Variants in TMEM168 observed in about 807,000 individuals in gnomAD.
TMEM168 encodes the protein transmembrane protein 168.
A neutral mutation model predicts 53.2 loss-of-function variants in TMEM168; 40 were observed. That is an observed-to-expected ratio of 0.75 (90% CI 0.58 to 0.98). The LOEUF (loss-of-function observed/expected upper bound fraction) is 0.98, where lower values mean the gene tolerates loss of function less well. Ranked by LOEUF, TMEM168 falls within the 50% of genes least tolerant of loss-of-function variation. TMEM168 has a pLI of 0.00. For synonymous variants in TMEM168, 282 were observed against 293.0 expected (o/e 0.96, Z 0.38); for missense variants, 771 against 828.8 (o/e 0.93, Z 0.86).
intron 4 of TMEM168, among the ~76,000 whole-genome samples, chr7:112,768,465 T>G (rs940564168): frequency 2.0e-5 from 3 of 152,166 alleles, no homozygotes; most frequent in African/African-American, 7.2e-5. Context: ...ACCCTGTTCC[T>G]ACCTGTACAA....
At position 112,767,125 on chromosome 7, in the gene TMEM168, C is replaced by T. The variant is rs1457417951; in HGVS notation, c.*72G>A. The T allele has an allele frequency of 1.4e-6, 2 of 1,424,212 alleles. No homozygotes were observed. Among genetic ancestry groups the T allele is most frequent in the East Asian group, 2.3e-5 (1 of 43,404 alleles). The allele number at this position is 1,424,212 out of a possible 1,614,324, so 88.2% of individuals were successfully genotyped here. A position where few individuals can be genotyped will look rare whatever the true frequency, so the allele number is the denominator to read the frequency against. On this transcript the variant is annotated 3_prime_UTR_variant, in exon 5 of 5. Coordinates refer to ENST00000312814, the MANE Select transcript of TMEM168 (RefSeq NM_022484.6). Reference sequence around the variant, plus strand: ...GTATTTTCCACAAATAAAAATACAGCATACAAAAAATGGCAAGTTAGTGAT... The same window carrying T: ...GTATTTTCCACAAATAAAAATACAGTATACAAAAAATGGCAAGTTAGTGAT...
intron 2 of TMEM168, among the ~76,000 whole-genome samples, chr7:112,776,340 A>C (rs1327475230): frequency 2.0e-5 from 3 of 151,738 alleles, no homozygotes; most frequent in African/African-American, 7.3e-5. Context: ...GCAATGAAAA[A>C]GCAGAAAAAA....
At chr7:112,780,955 A>C (rs913884937) in intron 2 of TMEM168, among the ~76,000 whole-genome samples, 28 of 151,728 alleles carry the variant, frequency 1.8e-4, no homozygotes, top group African/African-American at 5.1e-4. Context: ...AAAAAAAAAA[A>C]AAAAAAAAAA....
chr7:112,769,117 A>G (rs182516077), intron 4 of TMEM168, among the ~76,000 whole-genome samples: 266 of 152,338 alleles, frequency 1.7e-3, no homozygotes, highest in Middle Eastern at 3.4e-3. Context: ...TTCACCATTA[A>G]AAATGGACAC....
At chr7:112,777,666 G>A (rs539582540) in intron 2 of TMEM168, among the ~76,000 whole-genome samples, 62 of 151,992 alleles carry the variant, frequency 4.1e-4, no homozygotes, top group Non-Finnish European at 7.4e-4. Context: ...CTAATGTTAT[G>A]TTTGCAACAC....
Position 112,784,462 on chromosome 7 carries a change from ATTC to A in TMEM168, c.361_363del (p.Glu121del). 1 of 1,614,080 alleles carries A rather than the reference ATTC, an allele frequency of 6.2e-7. No homozygotes were observed. The highest frequency in any genetic ancestry group is 1.1e-5 in the South Asian group (1 of 91,050). On this transcript the variant is annotated inframe_deletion, in exon 2 of 5. Transcript: ENST00000312814. ...GATGTTAGAAGCAAATATTTGGTTGATTCTTCTTTTACATCATTTTTAAAGGAT... is the reference window on the plus strand; with the variant it reads ...GATGTTAGAAGCAAATATTTGGTTGATTCTTTTACATCATTTTTAAAGGAT...
intron 2 of TMEM168, among the ~76,000 whole-genome samples, chr7:112,780,888 A>C (rs1229663431): frequency 6.8e-6 from 1 of 147,580 alleles, no homozygotes; most frequent in Non-Finnish European, 1.5e-5. Flanking sequence ...CAGTGATTTA[A>C]CTGCTCTACA....
chr7:112,785,951 C>A (rs1271977928), intron 1 of TMEM168, among the ~76,000 whole-genome samples: 2 of 152,132 alleles, frequency 1.3e-5, no homozygotes, highest in Admixed American at 1.3e-4. Context: ...CTCTCTCCTG[C>A]AATCCCAGAA....
Position 112,784,088 on chromosome 7 carries a change from A to C in TMEM168, c.738T>G (p.Leu246=). Residue 246 remains leucine, a synonymous_variant, in exon 2 of 5, where the codon CTT becomes CTG. Transcript: ENST00000312814. ...DPFLDIYFSG[L]SVTERWKPFL... Reference sequence around the variant, plus strand: ...AGGGTTTCCATCTTTCAGTTACTGAAAGTCCACTAAAATAAATGTCAAGGA... The same window carrying C: ...AGGGTTTCCATCTTTCAGTTACTGACAGTCCACTAAAATAAATGTCAAGGA... The C allele has an allele frequency of 6.2e-7, 1 of 1,613,110 alleles. No homozygotes were observed. Among genetic ancestry groups the C allele is most frequent in the Non-Finnish European group, 8.5e-7 (1 of 1,179,828 alleles).
chr7:112,778,511 T>G (rs976470585), intron 2 of TMEM168: 2 of 152,236 alleles, frequency 1.3e-5, no homozygotes, highest in African/African-American at 4.8e-5. Flanking sequence ...TCCAATTTTC[T>G]GATTGATTTC....
intron 2 of TMEM168, among the ~76,000 whole-genome samples, chr7:112,782,630 C>T (rs183382936): frequency 5.9e-5 from 9 of 152,306 alleles, no homozygotes; most frequent in African/African-American, 1.9e-4. Context: ...ACACAGGATC[C>T]CTGCCCTAGC....
In TMEM168 at chr7:112,784,387, C is replaced by G; in HGVS notation, c.439G>C (p.Val147Leu). ...GTTAGTAAAGTGGGCCGATGACGGACATAACCAGAAATTCTCTCCACCAGA... is the reference window on the plus strand; with the variant it reads ...GTTAGTAAAGTGGGCCGATGACGGAGATAACCAGAAATTCTCTCCACCAGA... ...CSLVERISGY[V>L]RHRPTLLTTV... is the part of the protein sequence containing the mutation. Residue 147 changes from valine to leucine, a missense_variant, in exon 2 of 5, where the codon GTC (valine) becomes CTC (leucine). Coordinates refer to ENST00000312814, the MANE Select transcript of TMEM168 (RefSeq NM_022484.6). 6.2e-7 allele frequency: 1 copy of G among 1,614,160 alleles called. No individual in the cohort carries two copies. The highest frequency in any genetic ancestry group is 8.5e-7 in the Non-Finnish European group (1 of 1,180,016).
chr7:112,770,311 TATAAG>T (rs1792895854), intron 4 of TMEM168, among the ~76,000 whole-genome samples: 1 of 152,158 alleles, frequency 6.6e-6, no homozygotes, highest in Non-Finnish European at 1.5e-5. Context: ...GTTGCTGAAT[TATAAG>T]ATAAAATCTA....
At position 112,763,628 on chromosome 7, in the gene TMEM168, CATTAT is replaced by C. The variant is rs1792706767; in HGVS notation, c.*3564_*3568del. 1 of 152,026 alleles carries C rather than the reference CATTAT, an allele frequency of 6.6e-6. No homozygotes were observed. Among genetic ancestry groups the C allele is most frequent in the South Asian group, 2.1e-4 (1 of 4,820 alleles). The allele number at this position is 152,026 out of a possible 1,614,324, so 9.4% of individuals were successfully genotyped here. A position where few individuals can be genotyped will look rare whatever the true frequency, so the allele number is the denominator to read the frequency against. On this transcript the variant is annotated 3_prime_UTR_variant, in exon 5 of 5. Coordinates refer to ENST00000312814, the MANE Select transcript of TMEM168 (RefSeq NM_022484.6). The stretch of plus-strand genomic sequence containing the variant: ...AATTAAATCATTTTCTTCTGGCATA[CATTAT>C]ATTAACTATCATCACTTGTGGGAAA...
Position 112,767,485 on chromosome 7 carries a change from G to T in TMEM168, c.1806C>A (p.Asn602Lys). 6.2e-7 allele frequency: 1 copy of T among 1,614,164 alleles called. No homozygotes were observed. Among genetic ancestry groups the T allele is most frequent in the South Asian group, 1.1e-5 (1 of 91,084 alleles). Reference sequence around the variant, plus strand: ...TGCGTCCCTTTTCAGTCCAGCAGATGTTATTACTGGAGTTGCAGTTATATT... The same window carrying T: ...TGCGTCCCTTTTCAGTCCAGCAGATTTTATTACTGGAGTTGCAGTTATATT... ...WVEYNCNSSN[N>K]ICWTEKGRTV... Residue 602 changes from asparagine (N) to lysine (K), a missense_variant, in exon 5 of 5, where the codon AAC becomes AAA. Physicochemically the swap from Asn to Lys is moderately conservative, Grantham distance 94. Transcript: ENST00000312814.
chr7:112,777,856 T>C (rs6945755), intron 2 of TMEM168, among the ~76,000 whole-genome samples: 2,753 of 151,588 alleles, frequency 0.018, 35 homozygotes, highest in Non-Finnish European at 0.024. Flanking sequence ...TTCTGTTGTC[T>C]GTTGGTTTTG....
In TMEM168 at chr7:112,768,274, A is replaced by T. The variant is rs542820919; in HGVS notation, c.1547-530T>A. On this transcript the variant is annotated intron_variant, in intron 4 of 4. Transcript: ENST00000312814. ...AGTTTATTGGAACACAACTACATTC[A>T]TTCATTTATACCGTCTATGGCTGCT... is the stretch of plus-strand genomic sequence containing the variant. Among the ~76,000 whole-genome samples the T allele has an allele frequency of 2.0e-5, 3 of 152,366 alleles. No homozygotes were observed. The South Asian group carries it at 6.2e-4, about 32-fold the overall frequency.
chr7:112,768,401 G>A (rs1424507928), intron 4 of TMEM168, among the ~76,000 whole-genome samples: 2 of 152,030 alleles, frequency 1.3e-5, no homozygotes, highest in African/African-American at 2.4e-5. Flanking sequence ...TCCCCATTCT[G>A]TATCATTGTT....
In TMEM168 at chr7:112,772,871, C is replaced by T. The variant is rs745740456; in HGVS notation, c.1456G>A (p.Glu486Lys). Residue 486 changes from glutamate to lysine, a missense_variant, in exon 4 of 5, where the codon GAA (glutamate) becomes AAA (lysine). By Grantham distance (56) the Glu-to-Lys change is moderately conservative (BLOSUM62 1). Transcript: ENST00000312814. Reference protein sequence around the residue: ...TLHSKLKAFLELRTVDGPRHD... With the variant: ...TLHSKLKAFLKLRTVDGPRHD... Reference sequence around the variant, plus strand: ...CTGGGTCCATCCACTGTCCGAAGTTCGAGGAAAGCTTTTAGTTTGGAATGC... The same window carrying T: ...CTGGGTCCATCCACTGTCCGAAGTTTGAGGAAAGCTTTTAGTTTGGAATGC... 4.3e-6 allele frequency: 7 copies of T among 1,613,886 alleles called. No homozygotes were observed. Among genetic ancestry groups the T allele is most frequent in the African/African-American group, 2.7e-5 (2 of 74,890 alleles).
Sources: allele counts gnomAD v4.1 joint callset (sites outside exome capture counted in the v4.1 genomes callset), GRCh38; gene constraint gnomAD v4.1.1; transcripts MANE v1.5; gene names NCBI Gene and HGNC (gene_info 2026-07-23, HGNC 2026-07-21).